Variants in TRIOBP observed in about 807,000 individuals in gnomAD.
TRIOBP encodes the protein TRIO and F-actin-binding protein.
TRIOBP carries 169 observed loss-of-function variants against 238.8 expected under a neutral mutation model. The observed-to-expected ratio is 0.71, with a 90% CI of 0.62 to 0.80. The LOEUF (loss-of-function observed/expected upper bound fraction) is 0.80. Ranked by LOEUF, TRIOBP falls within the 30% of genes least tolerant of loss-of-function variation. TRIOBP has a pLI of 0.00. For missense variants in TRIOBP, 2,838 were observed against 3,122.6 expected (o/e 0.91, Z 2.17); for synonymous variants, 1,150 against 1,274.4 (o/e 0.90, Z 2.08).
chr22:37,764,746 T>G (rs1291750591), intron 17 of TRIOBP, among the ~76,000 whole-genome samples: 1 of 152,242 alleles, frequency 6.6e-6, no homozygotes, highest in Admixed American at 6.5e-5. Context: ...TCTTGTCTAC[T>G]AAGCATTATT....
intron 11 of TRIOBP, among the ~76,000 whole-genome samples, chr22:37,741,980 C>T (rs77894509): frequency 0.04 from 6,021 of 152,242 alleles, 138 homozygotes; most frequent in Middle Eastern, 0.082. Flanking sequence ...AAAATTAAGA[C>T]GGAGTCTCGC....
chr22:37,717,650 G>T (rs1265210552), intron 6 of TRIOBP, among the ~76,000 whole-genome samples: 1 of 152,232 alleles, frequency 6.6e-6, no homozygotes, highest in Non-Finnish European at 1.5e-5. Context: ...GCTAGACACA[G>T]GGTGCTGATT....
rs1158358546 is a variant in TRIOBP at position 37,755,083 on chromosome 22, T to G, written c.5488-18T>G. 6.2e-7 allele frequency: 1 copy of G among 1,612,068 alleles called. No homozygotes were observed. Among genetic ancestry groups the G allele is most frequent in the South Asian group, 1.1e-5 (1 of 90,856 alleles). ...ACACCAGGGCCCACACGGACCATAGTGGGCCCTCTTGCTCCAGGCAGATGA... is the reference window on the plus strand; with the variant it reads ...ACACCAGGGCCCACACGGACCATAGGGGGCCCTCTTGCTCCAGGCAGATGA... On this transcript the variant is annotated intron_variant, in intron 13 of 23. Transcript: ENST00000644935.
intron 18 of TRIOBP, among the ~76,000 whole-genome samples, chr22:37,767,475 G>T (rs958300681): frequency 6.6e-6 from 1 of 152,188 alleles, no homozygotes; most frequent in Admixed American, 6.5e-5. Flanking sequence ...TAATGTTGGG[G>T]CATTTACTCT....
chr22:37,734,768 G>A lies in TRIOBP; in HGVS notation c.4432G>A (p.Gly1478Arg), dbSNP rs749754477. 1.9e-6 allele frequency: 3 copies of A among 1,612,342 alleles called. No homozygotes were observed. The highest frequency in any genetic ancestry group is 2.5e-6 in the Non-Finnish European group (3 of 1,179,710). The stretch of plus-strand genomic sequence containing the variant: ...AGCCAAAGCCCCGGAGGGAGCATGG[G>A]GGGGCACTTCCAGGGAGTACAAGGA... ...GAAKAPEGAW[G>R]GTSREYKESW... The change falls in exon 9 of 24, where the codon GGG becomes AGG. Residue 1478 changes from glycine to arginine, a missense_variant. Gly to Arg is a moderately radical substitution (Grantham distance 125, BLOSUM62 -2). Transcript: ENST00000644935.
chr22:37,726,990 T>A (rs1480694668), intron 7 of TRIOBP, among the ~76,000 whole-genome samples: 1 of 151,412 alleles, frequency 6.6e-6, no homozygotes, highest in Non-Finnish European at 1.5e-5. Context: ...CACTGCAACC[T>A]CCACCTCCTG....
intron 11 of TRIOBP, among the ~76,000 whole-genome samples, chr22:37,749,218 G>A (rs1215311086): frequency 1.3e-5 from 2 of 152,162 alleles, no homozygotes; most frequent in South Asian, 4.1e-4. Flanking sequence ...TGCTGGACAT[G>A]GTGGTGGGTG....
intron 9 of TRIOBP, among the ~76,000 whole-genome samples, chr22:37,737,132 A>G (rs1924711284): frequency 6.6e-6 from 1 of 152,170 alleles, no homozygotes; most frequent in Admixed American, 6.5e-5. Context: ...CAGACAGCTC[A>G]AGGAGGACAC....
intron 2 of TRIOBP, 79 bp downstream of exon 2, chr22:37,697,775 C>G (rs1922423916): frequency 6.6e-6 from 1 of 152,448 alleles, no homozygotes; most frequent in African/African-American, 2.4e-5. Context: ...CTCCCACCCC[C>G]CACCCTCCCC....
At chr22:37,701,268 C>A in intron 2 of TRIOBP, 38 bp from the exon 3 acceptor site, 2 of 934,840 alleles carry the variant, frequency 2.1e-6, no homozygotes, top group South Asian at 1.4e-5. Context: ...AGTGGCCAGC[C>A]AGTCATCTGG....
intron 11 of TRIOBP, 174 bp from the exon 12 acceptor site, chr22:37,751,598 C>T: frequency 1.5e-6 from 1 of 681,092 alleles, no homozygotes; most frequent in South Asian, 1.7e-5. Context: ...GCCTCAGTGG[C>T]TGGGAGGCCT....
chr22:37,703,390 C>A (rs1922760976), intron 3 of TRIOBP, among the ~76,000 whole-genome samples: 1 of 152,054 alleles, frequency 6.6e-6, no homozygotes, highest in African/African-American at 2.4e-5. Flanking sequence ...TGCATGTAAA[C>A]ACAGAGCACC....
intron 17 of TRIOBP, 113 bp from the exon 18 acceptor site, chr22:37,765,557 G>GT: frequency 7.0e-7 from 1 of 1,419,216 alleles, no homozygotes; most frequent in Admixed American, 2.0e-5. Context: ...GAGGTGCTGG[G>GT]ACCCAGGAGG....
At position 37,759,331 on chromosome 22, in the gene TRIOBP, A is replaced by G. The variant is rs1372571745; in HGVS notation, c.6324+67A>G. On this transcript the variant is annotated intron_variant, in intron 17 of 23. Coordinates refer to ENST00000644935, the MANE Select transcript of TRIOBP (RefSeq NM_001039141.3). ...TCTGCTTGCCGTGTTATCAGGAAAC[A>G]GCTGAGATTTTGGGAGCCCTTCCTG... The G allele has an allele frequency of 2.6e-6, 4 of 1,525,078 alleles. No homozygotes were observed. The African/African-American group carries it at 5.5e-5, about 21-fold the overall frequency. 94.5% of individuals were successfully genotyped at this position (1,525,078 alleles called of 1,614,324 possible).
chr22:37,737,047 G>A lies in TRIOBP; in HGVS notation c.5107-1595G>A, dbSNP rs73168252. On this transcript the variant is annotated intron_variant, in intron 9 of 23. Coordinates refer to ENST00000644935, the MANE Select transcript of TRIOBP (RefSeq NM_001039141.3). ...GTTGACCCTCCAATCAACTCAATGC[G>A]TGGACATCAGAGAAGCAGGGATAAG... Among the ~76,000 whole-genome samples the A allele has an allele frequency of 4.0e-3, 615 of 152,292 alleles. 1 individual carries two copies. Among genetic ancestry groups the A allele is most frequent in the Admixed American group, 0.011 (169 of 15,304 alleles).
chr22:37,700,254 A>C (rs1422716693), intron 2 of TRIOBP, among the ~76,000 whole-genome samples: 2 of 145,640 alleles, frequency 1.4e-5, no homozygotes, highest in African/African-American at 2.5e-5. Flanking sequence ...GGAGAGAGAA[A>C]GGGGAATCTA....
intron 17 of TRIOBP, 90 bp from the exon 18 acceptor site, chr22:37,765,580 T>C (rs1461434799): frequency 6.6e-7 from 1 of 1,524,850 alleles, no homozygotes; most frequent in East Asian, 2.5e-5. Context: ...GTGGTGTACC[T>C]GCCCCTGAGC....
chr22:37,700,222 G>T (rs1377709893), intron 2 of TRIOBP, among the ~76,000 whole-genome samples: 4 of 151,934 alleles, frequency 2.6e-5, no homozygotes, highest in African/African-American at 4.8e-5. Context: ...CAGTCTCTTG[G>T]AGATTCTAAC....
chr22:37,701,815 T>C (rs1922663393), intron 3 of TRIOBP, among the ~76,000 whole-genome samples: 1 of 152,228 alleles, frequency 6.6e-6, no homozygotes, highest in African/African-American at 2.4e-5. Flanking sequence ...TTACTTCCTG[T>C]TAAGAAGAAG....
Sources: allele counts gnomAD v4.1 joint callset (sites outside exome capture counted in the v4.1 genomes callset), GRCh38; gene constraint gnomAD v4.1.1; transcripts MANE v1.5; gene names NCBI Gene and HGNC (gene_info 2026-07-23, HGNC 2026-07-21).